The following LPIN1 variants were observed in gnomAD, a reference collection of about 807,000 sequenced individuals.
LPIN1 encodes the protein lipin 1, also known as phosphatidate phosphatase LPIN1.
In LPIN1, 71 loss-of-function variants were observed where a neutral mutation model predicts 107.5. That is an observed-to-expected ratio of 0.66 (90% CI 0.55 to 0.80). The LOEUF is 0.80. LPIN1 is among the 30% of genes least tolerant of loss of function. The pLI, the probability that LPIN1 is intolerant of heterozygous loss-of-function variation, is 0.00. For synonymous variants in LPIN1, 445 were observed against 452.6 expected, an observed-to-expected ratio of 0.98 and a Z score of 0.21; for missense variants, 1,043 against 1,160.6, an observed-to-expected ratio of 0.90 and a Z score of 1.47.
At position 11,774,965 on chromosome 2, in the gene LPIN1, TAAA is replaced by T. The variant is rs1171247173; in HGVS notation, c.723-1107_723-1105del. On this transcript the variant is annotated intron_variant, in intron 5 of 20. Coordinates refer to ENST00000674199, the MANE Select transcript of LPIN1 (RefSeq NM_001349206.2). This position sits in a 1 kb window ranked among gnomAD's most constrained non-coding sequence, Gnocchi z 4.4. ...TTCCAGTAGCCCTATTTTTAAAAAGTAAAAAAAAAAAAAAAAGATGAAATTAAT... is the reference window on the plus strand; with the variant it reads ...TTCCAGTAGCCCTATTTTTAAAAAGTAAAAAAAAAAAAAGATGAAATTAAT... 1.7e-5 allele frequency among the ~76,000 whole-genome samples: 2 copies of T among 119,918 alleles called. No individual in the cohort carries two copies. The highest frequency in any genetic ancestry group is 3.0e-5 in the African/African-American group (1 of 32,996). The allele number at this position is 119,918 out of a possible 152,430, so 78.7% of individuals were successfully genotyped here. A position where few individuals can be genotyped will look rare whatever the true frequency, so the allele number is the denominator to read the frequency against.
In LPIN1 at chr2:11,815,060, T is replaced by A. The variant is rs777616584; in HGVS notation, c.2250-28T>A. On this transcript the variant is annotated intron_variant, in intron 17 of 20. Transcript: ENST00000674199. Reference sequence around the variant, plus strand: ...AGAAAGGTTCCATTTTCTGATGCCATGAAATGTGAATGTTTTATGTCTTTC... The same window carrying A: ...AGAAAGGTTCCATTTTCTGATGCCAAGAAATGTGAATGTTTTATGTCTTTC... 1.2e-5 allele frequency: 19 copies of A among 1,609,934 alleles called. No individual in the cohort carries two copies. In the Admixed American group the frequency reaches 1.7e-4, roughly 14 times the overall value.
intron 1 of LPIN1, among the ~76,000 whole-genome samples, chr2:11,729,407 A>C (rs986338954): frequency 2.0e-5 from 3 of 152,260 alleles, no homozygotes; most frequent in Non-Finnish European, 2.9e-5. Context: ...TATATTCCCA[A>C]GTCTTTCCTC....
intron 1 of LPIN1, among the ~76,000 whole-genome samples, chr2:11,737,679 C>G (rs945831239): frequency 6.6e-6 from 1 of 152,178 alleles, no homozygotes; most frequent in East Asian, 1.9e-4. Context: ...ATCAAAACCA[C>G]AATGAGATAC....
upstream of LPIN1, chr2:11,721,877 G>C (rs767553354): frequency 6.6e-5 from 10 of 152,484 alleles, no homozygotes; most frequent in Non-Finnish European, 1.2e-4. Context: ...GCTAATGCCA[G>C]CTCAGCACAG....
chr2:11,767,733 A>C, intron 2 of LPIN1, 30 bp from the exon 3 acceptor site: 1 of 1,453,938 alleles, frequency 6.9e-7, no homozygotes, highest in Non-Finnish European at 9.7e-7. Flanking sequence ...AAGGCAGTTC[A>C]TTCTTTTCTT....
chr2:11,732,184 T>C (rs1665304175), intron 1 of LPIN1, among the ~76,000 whole-genome samples: 1 of 152,262 alleles, frequency 6.6e-6, no homozygotes, highest in Non-Finnish European at 1.5e-5. Context: ...ACAACTTTGA[T>C]GTGGTGTGAA....
intron 18 of LPIN1, chr2:11,817,496 A>T (rs1311153168): frequency 1.3e-5 from 2 of 152,288 alleles, no homozygotes; most frequent in Non-Finnish European, 2.9e-5. Context: ...GTCCTCCTGG[A>T]TTTTATCTGA....
At chr2:11,787,392 CTTTTTCTTT>C (rs1217032644) in intron 11 of LPIN1, among the ~76,000 whole-genome samples, 33 of 113,690 alleles carry the variant, frequency 2.9e-4, no homozygotes, top group Non-Finnish European at 4.5e-4. Flanking sequence ...CTTTTCTTTT[CTTTTTCTTT>C]TTTTTTTTTT....
intron 1 of LPIN1, among the ~76,000 whole-genome samples, chr2:11,760,175 A>C (rs978380956): frequency 6.7e-6 from 1 of 149,080 alleles, no homozygotes; most frequent in Admixed American, 6.7e-5. Context: ...GGCCGGGAAG[A>C]GGCACTCCTC....
In LPIN1 at chr2:11,771,672, A is replaced by G; in HGVS notation, c.589A>G (p.Ser197Gly). The change falls in exon 4 of 21, where the codon AGC becomes GGC. Residue 197 changes from serine (S) to glycine (G), a missense_variant. By Grantham distance (56) the Ser-to-Gly change is moderately conservative. Coordinates refer to ENST00000674199, the MANE Select transcript of LPIN1 (RefSeq NM_001349206.2). The surrounding 1 kb of genome is among the most constrained non-coding windows in gnomAD (Gnocchi z 4.8). The part of the protein sequence containing the change: ...SSDEAMELLE[S>G]SRTLPNDIPP... ...GGATGAGGCCATGGAGCTGCTGGAG[A>G]GCAGCAGGTAATAACTGTCCAGGGT... 1.3e-6 allele frequency: 2 copies of G among 1,588,436 alleles called. No homozygotes were observed. Among genetic ancestry groups the G allele is most frequent in the South Asian group, 2.3e-5 (2 of 87,254 alleles).
intron 6 of LPIN1, among the ~76,000 whole-genome samples, chr2:11,776,602 A>G (rs889069248): frequency 6.6e-6 from 1 of 152,150 alleles, no homozygotes; most frequent in Non-Finnish European, 1.5e-5. Flanking sequence ...TTTACAAGAT[A>G]TTTTTGGAAT....
intron 12 of LPIN1, among the ~76,000 whole-genome samples, chr2:11,789,493 C>T (rs1337853201): frequency 3.4e-5 from 5 of 146,938 alleles, no homozygotes; most frequent in South Asian, 2.2e-4. Context: ...TGGATGTGCA[C>T]GTGTGTGCGC....
At chr2:11,820,653 T>C in intron 20 of LPIN1, 139 bp downstream of exon 20, 5 of 656,500 alleles carry the variant, frequency 7.6e-6, no homozygotes, top group East Asian at 2.7e-5. Flanking sequence ...AAATGTATTT[T>C]AACTCCTTGT....
intron 1 of LPIN1, among the ~76,000 whole-genome samples, chr2:11,704,414 G>A (rs1663028312): frequency 6.6e-6 from 1 of 152,198 alleles, no homozygotes; most frequent in South Asian, 2.1e-4. Flanking sequence ...GAGCGGGGTA[G>A]CACATCACCA....
intron 1 of LPIN1, among the ~76,000 whole-genome samples, chr2:11,690,289 T>C (rs879084303): frequency 2.0e-5 from 3 of 152,190 alleles, no homozygotes; most frequent in Admixed American, 1.3e-4. Flanking sequence ...TTTTTGCACT[T>C]TCTTTTCTTG....
chr2:11,693,223 G>C (rs1386004000), intron 1 of LPIN1, among the ~76,000 whole-genome samples: 2 of 124,010 alleles, frequency 1.6e-5, no homozygotes, highest in Middle Eastern at 3.5e-3. Flanking sequence ...TTTTTTTTGA[G>C]ATGATGGAAT....
At chr2:11,720,825 C>T (rs1664076467), upstream of LPIN1, among the ~76,000 whole-genome samples, 1 of 151,598 alleles carries the variant, frequency 6.6e-6, no homozygotes, top group Non-Finnish European at 1.5e-5. Flanking sequence ...AGCTGTCTCC[C>T]GAGGATGCTG....
At chr2:11,722,551 A>G (rs1302528359), upstream of LPIN1, 5 of 152,204 alleles carry the variant, frequency 3.3e-5, no homozygotes, top group Non-Finnish European at 7.3e-5. Flanking sequence ...CCTTTGTTTC[A>G]GGCTAATAGG....
At chr2:11,785,508 C>G (rs1345000775) in intron 10 of LPIN1, among the ~76,000 whole-genome samples, 1 of 152,174 alleles carries the variant, frequency 6.6e-6, no homozygotes, top group African/African-American at 2.4e-5. Flanking sequence ...TTAGGTGATT[C>G]ATTCACAGCA....
Sources: gnomAD v4.1 joint callset for allele counts (sites outside exome capture counted in the v4.1 genomes callset) on GRCh38, gnomAD v4.1.1 for gene constraint, Gnocchi (gnomAD v3.1) non-coding constraint, MANE v1.5 for transcripts, NCBI Gene and HGNC (gene_info 2026-07-23, HGNC 2026-07-21) for gene names.